Variants in SLIT2 observed in about 807,000 individuals in gnomAD.
The protein encoded by SLIT2 is slit guidance ligand 2.
Under a neutral mutation model 185.7 loss-of-function variants are expected in SLIT2, and 41 were observed. The observed-to-expected ratio is 0.22, with a 90% CI of 0.17 to 0.29. The LOEUF (loss-of-function observed/expected upper bound fraction) is 0.29. SLIT2 is among the 10% of genes least tolerant of loss of function. The probability of loss-of-function intolerance (pLI) is 1.00; values close to 1 mark genes in which losing one functional copy is unlikely to be tolerated. For missense variants in SLIT2, 1,571 were observed against 1,909.0 expected (o/e 0.82, Z 3.30); for synonymous variants, 693 against 680.2 (o/e 1.02, Z -0.29).
chr4:20,452,928 C>T (rs1352231658), intron 4 of SLIT2, among the ~76,000 whole-genome samples: 1 of 152,166 alleles, frequency 6.6e-6, no homozygotes, highest in Admixed American at 6.5e-5. Flanking sequence ...GGGTAGCCCA[C>T]CAAATTTAAA....
chr4:20,402,088 C>T (rs1726408291), intron 4 of SLIT2, among the ~76,000 whole-genome samples: 1 of 151,678 alleles, frequency 6.6e-6, no homozygotes, highest in South Asian at 2.1e-4. Context: ...AGTGGAAGAA[C>T]AGGTATCCTA....
At chr4:20,275,205 G>A (rs576357460) in intron 4 of SLIT2, among the ~76,000 whole-genome samples, 1 of 152,202 alleles carries the variant, frequency 6.6e-6, no homozygotes, top group Non-Finnish European at 1.5e-5. Context: ...TTTGCTTTAT[G>A]TTTTAAGACA....
intron 12 of SLIT2, among the ~76,000 whole-genome samples, chr4:20,519,930 A>T (rs1302188646): frequency 6.9e-6 from 1 of 145,626 alleles, no homozygotes; most frequent in Non-Finnish European, 1.5e-5. Flanking sequence ...GCTACTCAGG[A>T]GGCTGAGGCA....
At chr4:20,367,388 T>C (rs1723201643) in intron 4 of SLIT2, among the ~76,000 whole-genome samples, 1 of 152,154 alleles carries the variant, frequency 6.6e-6, no homozygotes. Flanking sequence ...GGAAACCTTT[T>C]GTCTTTTTAA....
chr4:20,335,260 G>A (rs1219517748), intron 4 of SLIT2, among the ~76,000 whole-genome samples: 2 of 152,116 alleles, frequency 1.3e-5, no homozygotes, highest in African/African-American at 2.4e-5. Context: ...GCACAAATCA[G>A]GGCACAGAAT....
chr4:20,468,198 G>A (rs922706858), intron 5 of SLIT2, among the ~76,000 whole-genome samples: 1 of 151,930 alleles, frequency 6.6e-6, no homozygotes, highest in Non-Finnish European at 1.5e-5. Flanking sequence ...TAGTTTTATT[G>A]TTGGGCCAGT....
Position 20,618,383 on chromosome 4 carries a change from A to G in SLIT2, c.4349-385A>G, listed in dbSNP as rs1319305831. On this transcript the variant is annotated intron_variant, in intron 36 of 36. Coordinates refer to ENST00000504154, the MANE Select transcript of SLIT2 (RefSeq NM_004787.4). ...ATTAAGTAACAGATTGGATAATATT[A>G]AACTCCAGGTCTAATAAATAAAATG... is the stretch of plus-strand genomic sequence containing the variant. Among the ~76,000 whole-genome samples, 3 of 152,240 alleles carry G rather than the reference A, an allele frequency of 2.0e-5. No homozygotes were observed. The East Asian group carries it at 5.8e-4, about 29-fold the overall frequency.
intron 4 of SLIT2, among the ~76,000 whole-genome samples, chr4:20,305,652 C>T (rs1393532280): frequency 6.6e-6 from 1 of 151,438 alleles, no homozygotes; most frequent in East Asian, 1.9e-4. Flanking sequence ...GTGGGCAGAT[C>T]ACTTGAGATC....
chr4:20,429,038 T>C (rs1728764691), intron 4 of SLIT2, among the ~76,000 whole-genome samples: 6 of 152,190 alleles, frequency 3.9e-5, no homozygotes, highest in Admixed American at 3.9e-4. Context: ...TTATGAGCTG[T>C]CACGTCCTCT....
intron 4 of SLIT2, among the ~76,000 whole-genome samples, chr4:20,411,226 ACAG>A (rs1442407149): frequency 6.6e-6 from 1 of 152,182 alleles, no homozygotes; most frequent in Non-Finnish European, 1.5e-5. Context: ...GTGCCCAGAC[ACAG>A]CTTGTCGAGG....
At chr4:20,327,094 T>C (rs1440373528) in intron 4 of SLIT2, among the ~76,000 whole-genome samples, 1 of 152,012 alleles carries the variant, frequency 6.6e-6, no homozygotes, top group Non-Finnish European at 1.5e-5. Flanking sequence ...CTCCTATTAT[T>C]CATATTCTTT....
chr4:20,548,962 A>G (rs536840274), intron 23 of SLIT2, 95 bp from the exon 24 acceptor site: 1 of 716,826 alleles, frequency 1.4e-6, no homozygotes, highest in South Asian at 1.6e-5. Context: ...TCAGTTAATA[A>G]GATGCTTTAA....
At chr4:20,447,876 A>G (rs938372160) in intron 4 of SLIT2, among the ~76,000 whole-genome samples, 2 of 152,248 alleles carry the variant, frequency 1.3e-5, no homozygotes, top group Non-Finnish European at 2.9e-5. Flanking sequence ...TTTTTCAGCT[A>G]CTTTACTCAT....
At chr4:20,544,663 A>G (rs1723098145) in intron 21 of SLIT2, among the ~76,000 whole-genome samples, 1 of 152,122 alleles carries the variant, frequency 6.6e-6, no homozygotes, top group South Asian at 2.1e-4. Flanking sequence ...TCATATGTGT[A>G]TTACATTAAA....
rs566276915 is a variant in SLIT2, at chr4:20,577,947, T to C, written c.3088+8943T>C. Among the ~76,000 whole-genome samples, 7 of 152,292 alleles carry C rather than the reference T, an allele frequency of 4.6e-5. No homozygotes were observed. In the East Asian group the frequency reaches 9.7e-4, roughly 21 times the overall value. ...TGGAGCTCATAGTCTCCATCCTCCA[T>C]TGGAATGGTAATTGTTAGGCATAAA... On this transcript the variant is annotated intron_variant, in intron 29 of 36. Coordinates refer to ENST00000504154, the MANE Select transcript of SLIT2 (RefSeq NM_004787.4).
chr4:20,392,246 G>A (rs1725483133), intron 4 of SLIT2: 1 of 151,982 alleles, frequency 6.6e-6, no homozygotes, highest in Admixed American at 6.6e-5. Context: ...GAATACTGTA[G>A]GCAATTTTAA....
intron 5 of SLIT2, among the ~76,000 whole-genome samples, chr4:20,478,348 G>A (rs1020806937): frequency 1.3e-5 from 2 of 152,162 alleles, no homozygotes; most frequent in African/African-American, 4.8e-5. Context: ...TAATGTTTTA[G>A]CACCAATAAG....
chr4:20,588,806 C>T (rs1359081448), intron 29 of SLIT2, among the ~76,000 whole-genome samples: 2 of 152,042 alleles, frequency 1.3e-5, no homozygotes, highest in African/African-American at 4.8e-5. Flanking sequence ...CTAGAATCTG[C>T]GTGGTTATGC....
chr4:20,533,984 C>T (rs1267062382), intron 18 of SLIT2, among the ~76,000 whole-genome samples: 4 of 151,846 alleles, frequency 2.6e-5, no homozygotes, highest in African/African-American at 9.7e-5. Context: ...GGTCCTTTAC[C>T]CCAATATTCC....
Sources: gnomAD v4.1 joint callset for allele counts (sites outside exome capture counted in the v4.1 genomes callset) on GRCh38, gnomAD v4.1.1 for gene constraint, MANE v1.5 for transcripts, NCBI Gene and HGNC (gene_info 2026-07-23, HGNC 2026-07-21) for gene names.